GNAL: variants seen among roughly 807,000 people sequenced by gnomAD.
The protein encoded by GNAL is guanine nucleotide-binding protein G(olf) subunit alpha.
In GNAL, 18 loss-of-function variants were observed where a neutral mutation model predicts 55.1. The ratio of observed to expected loss-of-function variants is 0.33; its 90% CI spans 0.23 to 0.48. GNAL has a LOEUF of 0.48. Ranked by LOEUF, GNAL falls within the 20% of genes least tolerant of loss-of-function variation. The pLI is 0.99. For synonymous variants in GNAL, 253 were observed against 237.0 expected (o/e 1.07, Z -0.62); for missense variants, 412 against 614.1 (o/e 0.67, Z 3.48).
chr18:11,754,068 T>C (rs2032954112), intron 4 of GNAL, 123 bp downstream of exon 4: 2 of 739,020 alleles, frequency 2.7e-6, no homozygotes, highest in African/African-American at 3.6e-5. Flanking sequence ...TCCAGCTCTC[T>C]AAATGCATAA....
chr18:11,726,356 G>C (rs140175283), intron 1 of GNAL, among the ~76,000 whole-genome samples: 1 of 152,308 alleles, frequency 6.6e-6, no homozygotes, highest in African/African-American at 2.4e-5. Flanking sequence ...TAGGAACCTA[G>C]ATTTCTTGGA....
intron 1 of GNAL, among the ~76,000 whole-genome samples, chr18:11,725,014 G>C (rs904634209): frequency 6.6e-6 from 1 of 152,194 alleles, no homozygotes; most frequent in Non-Finnish European, 1.5e-5. Flanking sequence ...CCGAAGGGGA[G>C]AGCAGCTTGC....
intron 4 of GNAL, among the ~76,000 whole-genome samples, chr18:11,762,121 G>T: frequency 6.6e-6 from 1 of 152,240 alleles, no homozygotes; most frequent in East Asian, 1.9e-4. Context: ...ACAGGAGGTG[G>T]AGAGGGAGAG....
chr18:11,741,015 G>A (rs2032564190), intron 1 of GNAL, among the ~76,000 whole-genome samples: 1 of 152,202 alleles, frequency 6.6e-6, no homozygotes, highest in African/African-American at 2.4e-5. Context: ...CTATTACAAG[G>A]AATACTGTTG....
chr18:11,872,259 C>CT lies in GNAL; in HGVS notation c.1032-3dup. On this transcript the variant is annotated splice_polypyrimidine_tract_variant and intron_variant, in intron 9 of 11. Transcript: ENST00000334049. The stretch of plus-strand genomic sequence containing the variant: ...TGTGAAATTTGTATGTTTATTTTTC[C>CT]TTTTTTAGGTGGTTACGGACCATTT... The CT allele has an allele frequency of 2.6e-6, 4 of 1,559,512 alleles. No individual in the cohort carries two copies. The highest frequency in any genetic ancestry group is 1.2e-5 in the South Asian group (1 of 84,070).
At chr18:11,718,760 C>T (rs2032029735) in intron 1 of GNAL, among the ~76,000 whole-genome samples, 1 of 152,188 alleles carries the variant, frequency 6.6e-6, no homozygotes, top group South Asian at 2.1e-4. Flanking sequence ...AATGAGAGAA[C>T]TGCACTGTAC....
chr18:11,859,455 A>G (rs569826751), intron 5 of GNAL, among the ~76,000 whole-genome samples: 1 of 152,314 alleles, frequency 6.6e-6, no homozygotes, highest in East Asian at 1.9e-4. Flanking sequence ...AGCAACCACC[A>G]TGCCAAAACT....
intron 4 of GNAL, among the ~76,000 whole-genome samples, chr18:11,767,503 T>C (rs755782088): frequency 6.6e-6 from 1 of 151,564 alleles, no homozygotes; most frequent in African/African-American, 2.4e-5. Flanking sequence ...ATGCCTGCAC[T>C]GTGTGCATCC....
At chr18:11,703,459 A>G (rs1480553914) in intron 1 of GNAL, among the ~76,000 whole-genome samples, 2 of 152,250 alleles carry the variant, frequency 1.3e-5, no homozygotes, top group African/African-American at 2.4e-5. Context: ...AAAAGAACCA[A>G]TAAAATACGG....
intron 4 of GNAL, among the ~76,000 whole-genome samples, chr18:11,786,448 T>TC (rs2034062432): frequency 1.7e-5 from 2 of 116,370 alleles, no homozygotes; most frequent in East Asian, 2.4e-4. Flanking sequence ...TTTTTTTTTT[T>TC]TTTTTTTTTT....
At chr18:11,761,755 T>C (rs2033251766) in intron 4 of GNAL, among the ~76,000 whole-genome samples, 1 of 152,230 alleles carries the variant, frequency 6.6e-6, no homozygotes, top group African/African-American at 2.4e-5. Context: ...CTTCGTGCTG[T>C]CTAGTGGTAG....
chr18:11,849,256 C>A (rs899071232), intron 5 of GNAL, among the ~76,000 whole-genome samples: 9 of 152,218 alleles, frequency 5.9e-5, no homozygotes, highest in Admixed American at 4.6e-4. Flanking sequence ...AATCCCAGCA[C>A]TTTGGAATGC....
At chr18:11,847,035 AAT>A (rs1567889862) in intron 5 of GNAL, among the ~76,000 whole-genome samples, 1 of 151,160 alleles carries the variant, frequency 6.6e-6, no homozygotes, top group African/African-American at 2.4e-5. Context: ...TGTAATGTAT[AAT>A]ATATATATAC....
chr18:11,843,973 C>T (rs2035676114), intron 5 of GNAL, among the ~76,000 whole-genome samples: 1 of 147,962 alleles, frequency 6.8e-6, no homozygotes, highest in African/African-American at 2.5e-5. Flanking sequence ...AACTCCATCT[C>T]AAAAAAAAAC....
intron 5 of GNAL, chr18:11,852,778 CTT>C (rs1317718871): frequency 1.2e-5 from 2 of 166,778 alleles, no homozygotes; most frequent in Admixed American, 6.5e-5. Flanking sequence ...TGATAATTGT[CTT>C]TGCGTAACTG....
chr18:11,746,313 T>C (rs1209521131), intron 1 of GNAL: 2 of 323,490 alleles, frequency 6.2e-6, no homozygotes, highest in African/African-American at 4.3e-5. Flanking sequence ...AACAATGATA[T>C]TAAGAAGAAT....
intron 5 of GNAL, among the ~76,000 whole-genome samples, chr18:11,856,746 T>C (rs5018703): frequency 0.13 from 20,159 of 151,830 alleles, 2,003 homozygotes; most frequent in African/African-American, 0.28. Flanking sequence ...GCCAACAGGG[T>C]GAAACCCCGT....
At chr18:11,803,232 A>G (rs946351536) in intron 4 of GNAL, among the ~76,000 whole-genome samples, 3 of 152,114 alleles carry the variant, frequency 2.0e-5, no homozygotes, top group Admixed American at 6.6e-5. Context: ...GACAACTCCC[A>G]ACTCCTTCCT....
chr18:11,736,976 A>G (rs184854704), intron 1 of GNAL, among the ~76,000 whole-genome samples: 16 of 152,356 alleles, frequency 1.1e-4, no homozygotes, highest in African/African-American at 3.6e-4. Context: ...CAGATAGGGA[A>G]AGTATATGAT....
Sources: gnomAD v4.1 joint callset for allele counts (sites outside exome capture counted in the v4.1 genomes callset) on GRCh38, gnomAD v4.1.1 for gene constraint, MANE v1.5 for transcripts, NCBI Gene and HGNC (gene_info 2026-07-23, HGNC 2026-07-21) for gene names.